SORCS2: variants seen among roughly 807,000 people sequenced by gnomAD.
SORCS2 encodes the protein sortilin related VPS10 domain containing receptor 2, also known as VPS10 domain-containing receptor SorCS2.
A neutral mutation model predicts 141.6 loss-of-function variants in SORCS2; 100 were observed. The observed-to-expected ratio is 0.71, with a 90% CI of 0.60 to 0.83. SORCS2 has a LOEUF of 0.83. Among genes scored for constraint, SORCS2 ranks in the 40% least tolerant of loss-of-function variants. The probability of loss-of-function intolerance (pLI) is 0.00; values close to 1 mark genes in which losing one functional copy is unlikely to be tolerated. For synonymous variants in SORCS2, 789 were observed against 676.9 expected, an observed-to-expected ratio of 1.17 and a Z score of -2.57; for missense variants, 1,646 against 1,560.2, an observed-to-expected ratio of 1.05 and a Z score of -0.93.
intron 1 of SORCS2, among the ~76,000 whole-genome samples, chr4:7,253,639 G>T (rs780858960): frequency 6.6e-6 from 1 of 152,198 alleles, no homozygotes; most frequent in Non-Finnish European, 1.5e-5. Context: ...GGGCCCACAG[G>T]GTCACTGGGG....
intron 2 of SORCS2, among the ~76,000 whole-genome samples, chr4:7,448,730 C>A (rs111161306): frequency 0.5 from 45,963 of 91,876 alleles, 13,344 homozygotes; most frequent in East Asian, 0.78. Context: ...TCCTCCCTCC[C>A]TTCCGTACTT....
intron 3 of SORCS2, among the ~76,000 whole-genome samples, chr4:7,636,620 C>T (rs1187260210): frequency 1.3e-5 from 2 of 152,096 alleles, no homozygotes; most frequent in Non-Finnish European, 2.9e-5. Context: ...CCGAATCTGA[C>T]CAAGCCACCA....
At chr4:7,403,997 A>AT (rs60403055) in intron 2 of SORCS2, among the ~76,000 whole-genome samples, 369 of 18,868 alleles carry the variant, frequency 0.02, 5 homozygotes, top group East Asian at 0.042. Flanking sequence ...ATATATATAT[A>AT]TTTTTTTTTT....
chr4:7,737,271 G>A, intron 26 of SORCS2, 99 bp downstream of exon 26: 1 of 1,502,000 alleles, frequency 6.7e-7, no homozygotes, highest in East Asian at 2.5e-5. Context: ...CTGGGCCGCT[G>A]GGGCCAGCAA....
rs1712964236 is a variant in SORCS2 at position 7,543,798 on chromosome 4, A to ATCCG, written c.648+12172_648+12173insGTCC. ...CATCCATCCACTCATCCATCCATCC[A>ATCCG]TCCATCCATCCATCCATCCATCTAC... On this transcript the variant is annotated intron_variant, in intron 3 of 26. Transcript: ENST00000507866. 2.6e-5 allele frequency among the ~76,000 whole-genome samples: 2 copies of ATCCG among 76,090 alleles called. 1 individual carries two copies. Among genetic ancestry groups the ATCCG allele is most frequent in the African/African-American group, 7.6e-5 (2 of 26,362 alleles). 49.9% of individuals were successfully genotyped at this position (76,090 alleles called of 152,430 possible).
chr4:7,195,842 G>C (rs1727137001), intron 1 of SORCS2, among the ~76,000 whole-genome samples: 1 of 152,228 alleles, frequency 6.6e-6, no homozygotes, highest in African/African-American at 2.4e-5. Flanking sequence ...CACACGGCTG[G>C]TTTGCTGAGC....
At chr4:7,424,623 G>C (rs893347637) in intron 2 of SORCS2, among the ~76,000 whole-genome samples, 4 of 152,166 alleles carry the variant, frequency 2.6e-5, no homozygotes, top group Admixed American at 6.5e-5. Flanking sequence ...GCCCCCCTCT[G>C]CTAACGTGAC....
At chr4:7,524,404 G>A (rs1252244380) in intron 2 of SORCS2, among the ~76,000 whole-genome samples, 1 of 152,040 alleles carries the variant, frequency 6.6e-6, no homozygotes, top group Non-Finnish European at 1.5e-5. Flanking sequence ...ACTGTGAGGG[G>A]ACAAGCCACG....
intron 1 of SORCS2, among the ~76,000 whole-genome samples, chr4:7,388,519 A>C (rs982022098): frequency 1.3e-5 from 2 of 152,152 alleles, no homozygotes; most frequent in African/African-American, 4.8e-5. Context: ...TCTCTAGTTG[A>C]AATCTCCCAG....
intron 3 of SORCS2, among the ~76,000 whole-genome samples, chr4:7,561,110 GCTGGGTGTCATTCATCC>G (rs1714507080): frequency 6.6e-6 from 1 of 152,192 alleles, no homozygotes; most frequent in South Asian, 2.1e-4. Flanking sequence ...AAGGTCAGAA[GCTGGGTGTCATTCATCC>G]CTGGGTGTCT....
chr4:7,565,331 A>T (rs1046473244), intron 3 of SORCS2, among the ~76,000 whole-genome samples: 1 of 152,178 alleles, frequency 6.6e-6, no homozygotes, highest in African/African-American at 2.4e-5. Context: ...TTCCATCCTG[A>T]CCAGAAGATG....
At chr4:7,637,126 C>T (rs1308450213) in intron 3 of SORCS2, among the ~76,000 whole-genome samples, 3 of 152,222 alleles carry the variant, frequency 2.0e-5, no homozygotes, top group South Asian at 2.1e-4. Context: ...TGCTTAGCCA[C>T]GTCTCCAATG....
intron 4 of SORCS2, among the ~76,000 whole-genome samples, chr4:7,650,566 C>T (rs761734901): frequency 1.6e-4 from 24 of 152,232 alleles, no homozygotes; most frequent in Non-Finnish European, 2.9e-4. Context: ...GAACCCTAGA[C>T]TCACAGACGC....
intron 1 of SORCS2, among the ~76,000 whole-genome samples, chr4:7,195,458 C>T (rs1264126506): frequency 1.3e-5 from 2 of 152,108 alleles, no homozygotes; most frequent in Non-Finnish European, 2.9e-5. Context: ...TGGGCTTCAA[C>T]ACCTTCCACT....
chr4:7,664,858 T>C lies in SORCS2; in HGVS notation c.1071+387T>C, dbSNP rs10937849. ...CTATCCACAGCCCTGTGACCAGGAC[T>C]CTGCTGCCTGTGCCCTCAGGTCACA... On this transcript the variant is annotated intron_variant, in intron 7 of 26. Coordinates refer to ENST00000507866, the MANE Select transcript of SORCS2 (RefSeq NM_020777.3). The surrounding 1 kb of genome is among the most constrained non-coding windows in gnomAD (Gnocchi z 4.7). Among the ~76,000 whole-genome samples the C allele has an allele frequency of 0.73, 110,904 of 152,154 alleles. 42,600 individuals are homozygous for C. The highest frequency in any genetic ancestry group is 0.97 in the East Asian group (4,971 of 5,150).
intron 2 of SORCS2, chr4:7,434,033 G>A: frequency 6.2e-7 from 1 of 1,611,616 alleles, no homozygotes; most frequent in South Asian, 1.1e-5. Flanking sequence ...ATCTCGCTCT[G>A]TTTCCTTGGC....
intron 14 of SORCS2, 127 bp downstream of exon 14, chr4:7,704,411 T>G (rs1725285603): frequency 2.4e-6 from 2 of 834,474 alleles, no homozygotes; most frequent in Non-Finnish European, 3.7e-6. Flanking sequence ...CTGCCCCAGG[T>G]CCCCTTGCTG....
chr4:7,569,525 A>G (rs540408074), intron 3 of SORCS2, among the ~76,000 whole-genome samples: 2 of 152,326 alleles, frequency 1.3e-5, no homozygotes, highest in East Asian at 1.9e-4. Context: ...CAAAAAAGAA[A>G]AAAGAAATAT....
At chr4:7,314,137 C>A (rs1160285676) in intron 1 of SORCS2, among the ~76,000 whole-genome samples, 1 of 152,180 alleles carries the variant, frequency 6.6e-6, no homozygotes, top group African/African-American at 2.4e-5. Flanking sequence ...ATCCTCCCTG[C>A]CTCTGTGCCG....
Sources: allele counts gnomAD v4.1 joint callset (sites outside exome capture counted in the v4.1 genomes callset), GRCh38; gene constraint gnomAD v4.1.1; non-coding constraint Gnocchi (gnomAD v3.1); transcripts MANE v1.5; gene names NCBI Gene and HGNC (gene_info 2026-07-23, HGNC 2026-07-21).